MRTFA: variants seen among roughly 807,000 people sequenced by gnomAD.
The protein encoded by MRTFA is myocardin-related transcription factor A.
A neutral mutation model predicts 83.5 loss-of-function variants in MRTFA; 20 were observed. That is an observed-to-expected ratio of 0.24 (90% CI 0.17 to 0.35). The LOEUF (loss-of-function observed/expected upper bound fraction) is 0.35, where lower values mean the gene tolerates loss of function less well. MRTFA is among the 10% of genes least tolerant of loss of function. MRTFA has a pLI of 1.00. For missense variants in MRTFA, 1,200 were observed against 1,224.7 expected (o/e 0.98, Z 0.30); for synonymous variants, 659 against 541.2 (o/e 1.22, Z -3.02).
At chr22:40,522,157 CTT>C (rs1384967667) in intron 3 of MRTFA, 1 of 152,094 alleles carries the variant, frequency 6.6e-6, no homozygotes, top group Non-Finnish European at 1.5e-5. Context: ...CCAGCCCTCT[CTT>C]AATTTTTTTA....
At chr22:40,518,028 G>A (rs541531438) in intron 3 of MRTFA, among the ~76,000 whole-genome samples, 25 of 152,246 alleles carry the variant, frequency 1.6e-4, no homozygotes, top group South Asian at 8.3e-4. Flanking sequence ...TCTGGGGGTC[G>A]TATGCCCAGA....
At chr22:40,629,187 T>C (rs1200003875) in intron 1 of MRTFA, among the ~76,000 whole-genome samples, 2 of 151,934 alleles carry the variant, frequency 1.3e-5, no homozygotes, top group African/African-American at 4.8e-5. Context: ...CTCACATGTG[T>C]AATCCCAGCA....
intron 1 of MRTFA, among the ~76,000 whole-genome samples, chr22:40,598,819 G>A (rs772413904): frequency 1.4e-5 from 2 of 146,548 alleles, no homozygotes; most frequent in South Asian, 2.2e-4. Flanking sequence ...AAATTCCGTC[G>A]CTACTTTAAA....
chr22:40,476,306 C>T (rs1044937763), intron 3 of MRTFA, among the ~76,000 whole-genome samples: 66 of 152,210 alleles, frequency 4.3e-4, no homozygotes, highest in African/African-American at 1.4e-3. Context: ...TAAAAAGATA[C>T]GAAAGAGAAG....
At chr22:40,528,152 G>A (rs1164640668) in intron 3 of MRTFA, among the ~76,000 whole-genome samples, 1 of 152,122 alleles carries the variant, frequency 6.6e-6, no homozygotes, top group Non-Finnish European at 1.5e-5. Flanking sequence ...AGGCCCACTG[G>A]AGAATTATGA....
At chr22:40,461,612 G>A (rs181620848) in intron 4 of MRTFA, among the ~76,000 whole-genome samples, 50 of 137,926 alleles carry the variant, frequency 3.6e-4, no homozygotes, top group African/African-American at 1.3e-3. Context: ...GTGAAACCCC[G>A]TCTCTACTAA....
chr22:40,519,462 A>G (rs930743406), intron 3 of MRTFA: 1 of 1,338,328 alleles, frequency 7.5e-7, no homozygotes. Flanking sequence ...AGCGTTACCT[A>G]CCAGTGCTGC....
At chr22:40,468,028 T>C (rs1299658723) in intron 3 of MRTFA, among the ~76,000 whole-genome samples, 1 of 152,138 alleles carries the variant, frequency 6.6e-6, no homozygotes, top group African/African-American at 2.4e-5. Context: ...CCACTCTCCA[T>C]GGAAATAATC....
intron 1 of MRTFA, among the ~76,000 whole-genome samples, chr22:40,596,235 C>T (rs1481690046): frequency 6.6e-6 from 1 of 151,836 alleles, no homozygotes; most frequent in East Asian, 1.9e-4. Flanking sequence ...TAAGATACAA[C>T]TGAGGCTGAG....
chr22:40,485,616 T>C (rs140982521), intron 3 of MRTFA, among the ~76,000 whole-genome samples: 8 of 152,294 alleles, frequency 5.3e-5, no homozygotes, highest in African/African-American at 1.2e-4. Context: ...ACAGGATACA[T>C]GAATGCGGCC....
At chr22:40,602,255 G>A (rs966493134) in intron 1 of MRTFA, among the ~76,000 whole-genome samples, 21 of 152,188 alleles carry the variant, frequency 1.4e-4, no homozygotes, top group African/African-American at 5.1e-4. Flanking sequence ...GTGACCATGT[G>A]CTAGATGCTA....
chr22:40,595,863 CTTTTTTT>C (rs35215701), intron 1 of MRTFA, among the ~76,000 whole-genome samples: 9 of 78,108 alleles, frequency 1.2e-4, no homozygotes, highest in South Asian at 5.3e-4. Context: ...TATCTAAAGT[CTTTTTTT>C]TTTTTTTTTT....
chr22:40,503,981 T>C (rs1025430691), intron 3 of MRTFA, among the ~76,000 whole-genome samples: 3 of 152,118 alleles, frequency 2.0e-5, no homozygotes, highest in Non-Finnish European at 2.9e-5. Flanking sequence ...TGAAACTTCA[T>C]AGATTAATTC....
chr22:40,609,190 C>T (rs1041847341), intron 1 of MRTFA, among the ~76,000 whole-genome samples: 6 of 151,480 alleles, frequency 4.0e-5, no homozygotes, highest in African/African-American at 1.5e-4. Context: ...TCTCAGGAGG[C>T]TGAGGCAGGG....
chr22:40,431,313 A>G, intron 6 of MRTFA, 92 bp downstream of exon 6: 4 of 1,230,208 alleles, frequency 3.3e-6, no homozygotes, highest in Non-Finnish European at 4.8e-6. Context: ...GAAATGGGAG[A>G]AGAAAGAGGC....
At chr22:40,514,788 C>T (rs1344512642) in intron 3 of MRTFA, among the ~76,000 whole-genome samples, 2 of 151,756 alleles carry the variant, frequency 1.3e-5, no homozygotes, top group East Asian at 3.9e-4. Context: ...CCCTTCCTAC[C>T]TCTTACAAAG....
intron 3 of MRTFA, among the ~76,000 whole-genome samples, chr22:40,509,982 T>TAAAAAAAAAAAAAAAA (rs556051473): frequency 1.8e-5 from 2 of 108,112 alleles, no homozygotes; most frequent in East Asian, 3.6e-4. Flanking sequence ...CCAAGTACTT[T>TAAAAAAAAAAAAAAAA]AAAAAAAAAA....
chr22:40,420,770 C>T, intron 10 of MRTFA, 77 bp downstream of exon 10: 2 of 1,589,474 alleles, frequency 1.3e-6, no homozygotes, highest in Non-Finnish European at 1.7e-6. Context: ...GAGGTTCACC[C>T]CCACCAGACC....
intron 1 of MRTFA, among the ~76,000 whole-genome samples, chr22:40,626,144 C>T (rs751501719): frequency 3.9e-5 from 6 of 152,096 alleles, no homozygotes; most frequent in Non-Finnish European, 5.9e-5. Context: ...CCACCACACC[C>T]GGCTGATTTT....
Sources: gnomAD v4.1 joint callset for allele counts (sites outside exome capture counted in the v4.1 genomes callset) on GRCh38, gnomAD v4.1.1 for gene constraint, MANE v1.5 for transcripts, NCBI Gene and HGNC (gene_info 2026-07-23, HGNC 2026-07-21) for gene names.